The following VPS37A variants were observed in gnomAD, a reference collection of about 807,000 sequenced individuals.
VPS37A encodes VPS37A subunit of ESCRT-I.
Under a neutral mutation model 49.8 loss-of-function variants are expected in VPS37A, and 30 were observed. That is an observed-to-expected ratio of 0.60 (90% CI 0.45 to 0.82). VPS37A has a LOEUF of 0.82. Ranked by LOEUF, VPS37A falls within the 40% of genes least tolerant of loss-of-function variation. The pLI is 0.00. For missense variants in VPS37A, 593 were observed against 464.4 expected (o/e 1.28, Z -2.55); for synonymous variants, 195 against 160.6 (o/e 1.21, Z -1.62).
rs750449849 is a variant in VPS37A, at chr8:17,268,270, A to G, written c.213A>G (p.Pro71=). 4 of 1,611,976 alleles carry G rather than the reference A, an allele frequency of 2.5e-6. No homozygotes were observed. The highest frequency in any genetic ancestry group is 2.7e-5 in the African/African-American group (2 of 74,834). The change falls in exon 3 of 12, where the codon CCA becomes CCG. Residue 71 remains proline (P), a synonymous_variant. Coordinates refer to ENST00000324849, the MANE Select transcript of VPS37A (RefSeq NM_152415.3). ...LTININILLP[P]QFPQEKPVIS... ...CTACCTCTACCAGATTGCTTCCTCC[A>G]CAGTTTCCTCAGGAAAAACCAGTGA... is the stretch of plus-strand genomic sequence containing the variant.
chr8:17,330,911 G>T, the VPS37A span, among the ~76,000 whole-genome samples: 1 of 152,286 alleles, frequency 6.6e-6, no homozygotes, highest in East Asian at 1.9e-4. Context: ...TTTGACCTTA[G>T]ATGTTCAGTA....
the VPS37A span, among the ~76,000 whole-genome samples, chr8:17,312,263 A>T: frequency 6.6e-6 from 1 of 152,116 alleles, no homozygotes; most frequent in African/African-American, 2.4e-5. Flanking sequence ...CTAAAATTCT[A>T]GTTTTATTAG....
At chr8:17,263,942 A>T (rs549098973) in intron 1 of VPS37A, among the ~76,000 whole-genome samples, 2 of 152,190 alleles carry the variant, frequency 1.3e-5, no homozygotes, top group Admixed American at 1.3e-4. Context: ...CTCCGTGTCA[A>T]AAAGACAAAC....
the VPS37A span, among the ~76,000 whole-genome samples, chr8:17,315,526 G>A: frequency 5.9e-5 from 9 of 152,140 alleles, 1 homozygote; most frequent in African/African-American, 1.4e-4. Context: ...CCACTCCGTC[G>A]GGGATGTGAA....
chr8:17,277,282 T>G (rs1054884162), intron 6 of VPS37A, among the ~76,000 whole-genome samples: 1 of 152,298 alleles, frequency 6.6e-6, no homozygotes, highest in Middle Eastern at 3.4e-3. Flanking sequence ...ATTTACAATA[T>G]ACTGCATACA....
In VPS37A at chr8:17,280,413, G is replaced by C; in HGVS notation, c.939G>C (p.Lys313Asn). 1 of 1,609,142 alleles carries C rather than the reference G, an allele frequency of 6.2e-7. No homozygotes were observed. Among genetic ancestry groups the C allele is most frequent in the Non-Finnish European group, 8.5e-7 (1 of 1,178,396 alleles). ...LLTQMKSTFE[K>N]KMQRQHELSE... Reference sequence around the variant, plus strand: ...CACAGATGAAGTCCACTTTCGAAAAGAAGATGCAAAGGCAGCATGAACTTA... The same window carrying C: ...CACAGATGAAGTCCACTTTCGAAAACAAGATGCAAAGGCAGCATGAACTTA... Residue 313 changes from lysine (K) to asparagine (N), a missense_variant, in exon 9 of 12, where the codon AAG becomes AAC. Coordinates refer to ENST00000324849, the MANE Select transcript of VPS37A (RefSeq NM_152415.3).
intron 1 of VPS37A, among the ~76,000 whole-genome samples, chr8:17,257,144 A>G (rs780130564): frequency 5.9e-5 from 9 of 152,142 alleles, no homozygotes; most frequent in Non-Finnish European, 8.8e-5. Flanking sequence ...TTCAGCATAT[A>G]GTTACCCAAT....
the VPS37A span, among the ~76,000 whole-genome samples, chr8:17,312,506 C>G: frequency 3.5e-5 from 5 of 140,854 alleles, no homozygotes; most frequent in African/African-American, 1.1e-4. Context: ...ACCTGGGAGG[C>G]AGAGGTTGCA....
At position 17,297,130 on chromosome 8, in the gene VPS37A, A is replaced by C. The variant is rs899402315; in HGVS notation, c.*2144A>C. The C allele has an allele frequency of 6.6e-6, 1 of 152,194 alleles. No individual in the cohort carries two copies. The highest frequency in any genetic ancestry group is 1.5e-5 in the Non-Finnish European group (1 of 68,020). The allele number at this position is 152,194 out of a possible 1,614,324, so 9.4% of individuals were successfully genotyped here. ...CACAGGAAAAATGAAATGCATGTGAAAGTTTGTATTCTGATTTTACAAGAT... is the reference window on the plus strand; with the variant it reads ...CACAGGAAAAATGAAATGCATGTGACAGTTTGTATTCTGATTTTACAAGAT... On this transcript the variant is annotated 3_prime_UTR_variant, in exon 12 of 12. Coordinates refer to ENST00000324849, the MANE Select transcript of VPS37A (RefSeq NM_152415.3).
At chr8:17,311,563 G>A in the VPS37A span, 9 of 1,613,918 alleles carry the variant, frequency 5.6e-6, no homozygotes, top group South Asian at 2.2e-5. Flanking sequence ...GCTTGCCACC[G>A]AGCACACCTG....
intron 1 of VPS37A, among the ~76,000 whole-genome samples, chr8:17,248,879 G>A (rs551713692): frequency 6.6e-6 from 1 of 152,060 alleles, no homozygotes; most frequent in African/African-American, 2.4e-5. Flanking sequence ...AATTAAGTTC[G>A]CAAAGTTCTT....
chr8:17,250,293 G>A (rs1015192614), intron 1 of VPS37A, among the ~76,000 whole-genome samples: 6 of 152,104 alleles, frequency 3.9e-5, no homozygotes, highest in Non-Finnish European at 7.4e-5. Flanking sequence ...ATTGTTTTCT[G>A]AGCCCCAATA....
chr8:17,275,629 A>G (rs1012184229), intron 5 of VPS37A, among the ~76,000 whole-genome samples: 4 of 152,192 alleles, frequency 2.6e-5, no homozygotes, highest in Admixed American at 2.0e-4. Context: ...AAAAGCTTGT[A>G]TATTCTTAAG....
At chr8:17,287,227 G>A (rs1054621718) in intron 11 of VPS37A, among the ~76,000 whole-genome samples, 1 of 152,098 alleles carries the variant, frequency 6.6e-6, no homozygotes, top group African/African-American at 2.4e-5. Context: ...TATGTTATTT[G>A]ATAGGACAGG....
chr8:17,301,925 CA>C, downstream of VPS37A: 1 of 448,088 alleles, frequency 2.2e-6, no homozygotes, highest in Non-Finnish European at 3.8e-6. Flanking sequence ...AAGGAACAAC[CA>C]AAAATTTGTG....
chr8:17,281,411 A>G (rs1180809170), intron 9 of VPS37A, among the ~76,000 whole-genome samples: 1 of 152,040 alleles, frequency 6.6e-6, no homozygotes, highest in Non-Finnish European at 1.5e-5. Context: ...TGTTAGATAT[A>G]TACTGGACCT....
chr8:17,247,844 T>G (rs950086813), intron 1 of VPS37A: 1 of 687,166 alleles, frequency 1.5e-6, no homozygotes, highest in African/African-American at 1.8e-5. Context: ...AGTGAATGCT[T>G]CTCGTCTGAG....
the VPS37A span, among the ~76,000 whole-genome samples, chr8:17,318,344 G>A: frequency 4.6e-5 from 7 of 152,066 alleles, no homozygotes; most frequent in Non-Finnish European, 8.8e-5. Context: ...AGAAAAAGCT[G>A]GGCTGAAGAC....
At chr8:17,310,893 T>G in the VPS37A span, among the ~76,000 whole-genome samples, 4 of 152,106 alleles carry the variant, frequency 2.6e-5, no homozygotes, top group Non-Finnish European at 5.9e-5. Context: ...AGTGAAAACT[T>G]CACCATCCCA....
Sources: gnomAD v4.1 joint callset for allele counts (sites outside exome capture counted in the v4.1 genomes callset) on GRCh38, gnomAD v4.1.1 for gene constraint, MANE v1.5 for transcripts, NCBI Gene and HGNC (gene_info 2026-07-23, HGNC 2026-07-21) for gene names.